The following ADGRE2 variants were observed in gnomAD, a reference collection of about 807,000 sequenced individuals.
The protein encoded by ADGRE2 is CD97 antigen.
A neutral mutation model predicts 100.8 loss-of-function variants in ADGRE2; 83 were observed. The observed-to-expected ratio is 0.82, with a 90% CI of 0.69 to 0.99. The LOEUF is 0.99. Among genes scored for constraint, ADGRE2 ranks in the 50% least tolerant of loss-of-function variants. The pLI, the probability that ADGRE2 is intolerant of heterozygous loss-of-function variation, is 0.00. For synonymous variants in ADGRE2, 355 were observed against 413.0 expected, an observed-to-expected ratio of 0.86 and a Z score of 1.70; for missense variants, 814 against 1,035.7, an observed-to-expected ratio of 0.79 and a Z score of 2.94.
intron 16 of ADGRE2, among the ~76,000 whole-genome samples, chr19:14,748,871 A>G (rs1213475106): frequency 2.0e-5 from 3 of 152,124 alleles, no homozygotes; most frequent in Admixed American, 6.6e-5. Flanking sequence ...ATGAAAATGA[A>G]TGCAAAAATC....
intron 20 of ADGRE2, among the ~76,000 whole-genome samples, chr19:14,739,327 A>G (rs2042856029): frequency 6.6e-6 from 1 of 152,216 alleles, no homozygotes; most frequent in African/African-American, 2.4e-5. Flanking sequence ...AGTAGAAGAT[A>G]AAATGACATT....
chr19:14,756,864 G>A (rs549072599), intron 11 of ADGRE2, among the ~76,000 whole-genome samples: 4 of 150,970 alleles, frequency 2.6e-5, no homozygotes, highest in Non-Finnish European at 5.9e-5. Context: ...AAAATGTTAG[G>A]AATACATTTT....
At chr19:14,759,052 C>A (rs2043605857) in intron 11 of ADGRE2, among the ~76,000 whole-genome samples, 1 of 152,084 alleles carries the variant, frequency 6.6e-6, no homozygotes, top group Non-Finnish European at 1.5e-5. Context: ...ACAGGTGAGC[C>A]ATTTACATAC....
intron 18 of ADGRE2, among the ~76,000 whole-genome samples, chr19:14,744,897 CT>C (rs149723489): frequency 6.8e-5 from 10 of 146,090 alleles, no homozygotes; most frequent in South Asian, 6.6e-4. Flanking sequence ...GTTCTTTGCA[CT>C]TTTTTTTTTG....
At chr19:14,760,184 A>T (rs976449890) in intron 11 of ADGRE2, among the ~76,000 whole-genome samples, 1 of 152,210 alleles carries the variant, frequency 6.6e-6, no homozygotes, top group African/African-American at 2.4e-5. Context: ...TGTATTTCAA[A>T]GTAGTTACAA....
chr19:14,759,503 ATTT>A lies in ADGRE2; in HGVS notation c.1085-3161_1085-3159del, dbSNP rs368205522. On this transcript the variant is annotated intron_variant, in intron 11 of 20. Transcript: ENST00000315576. The stretch of plus-strand genomic sequence containing the variant: ...ATAAGTTATACATATATATATATAT[ATTT>A]TTTTTTTTTAGACGGAGTCTCACTC... Among the ~76,000 whole-genome samples the A allele has an allele frequency of 2.2e-5, 3 of 133,378 alleles. 1 individual carries two copies. Among genetic ancestry groups the A allele is most frequent in the African/African-American group, 8.9e-5 (3 of 33,616 alleles). The allele number at this position is 133,378 out of a possible 152,430, so 87.5% of individuals were successfully genotyped here.
At chr19:14,762,303 C>T (rs1321260487) in intron 11 of ADGRE2, among the ~76,000 whole-genome samples, 1 of 151,498 alleles carries the variant, frequency 6.6e-6, no homozygotes, top group African/African-American at 2.4e-5. Flanking sequence ...AGTATTCAGC[C>T]ATGAAAAAGA....
rs1479320374 is a variant in ADGRE2 at position 14,746,280 on chromosome 19, T to C, written c.2135A>G (p.Asn712Ser). Residue 712 changes from asparagine (N) to serine (S), a missense_variant, in exon 18 of 21, where the codon AAC becomes AGC. Asn to Ser is a conservative substitution (Grantham distance 46). Around this residue, in one of 5 missense-constraint regions of ADGRE2, gnomAD observed 569 missense variants for 692.7 expected, o/e 0.82. Coordinates refer to ENST00000315576, the MANE Select transcript of ADGRE2 (RefSeq NM_013447.4). ...TTCACTATTGAGGGAGGAGAGTCTG[T>C]TTTTCAAAATCCAGAGAGTCACCAG... Reference protein sequence around the residue: ...LFLVTLWILKNRLSSLNSEVS... With the variant: ...LFLVTLWILKSRLSSLNSEVS... The C allele has an allele frequency of 1.2e-6, 2 of 1,611,680 alleles. No individual in the cohort carries two copies. The highest frequency in any genetic ancestry group is 2.2e-5 in the South Asian group (2 of 91,006).
rs890960145 is a variant in ADGRE2, at chr19:14,732,842, A to G, written c.*3394T>C. ...AAAACATAGCCATGATCATTCATTT[A>G]TGATTGTCTATAGCTGTTTTCATAC... On this transcript the variant is annotated 3_prime_UTR_variant, in exon 21 of 21. Transcript: ENST00000315576. 1 of 152,148 alleles carries G rather than the reference A, an allele frequency of 6.6e-6. No individual in the cohort carries two copies. Among genetic ancestry groups the G allele is most frequent in the Admixed American group, 6.5e-5 (1 of 15,278 alleles). 9.4% of individuals were successfully genotyped at this position (152,148 alleles called of 1,614,324 possible). A position where few individuals can be genotyped will look rare whatever the true frequency, so the allele number is the denominator to read the frequency against.
chr19:14,743,332 C>T, intron 20 of ADGRE2, 88 bp downstream of exon 20: 1 of 1,011,066 alleles, frequency 9.9e-7, no homozygotes, highest in Non-Finnish European at 1.6e-6. Flanking sequence ...GCATTGCCTG[C>T]TGTATTCCCA....
chr19:14,759,403 T>TTC (rs931883869), intron 11 of ADGRE2, among the ~76,000 whole-genome samples: 3 of 151,904 alleles, frequency 2.0e-5, no homozygotes, highest in Non-Finnish European at 4.4e-5. Context: ...CCTAAATAAT[T>TTC]TCTTTTTCAC....
Position 14,767,247 on chromosome 19 carries a change from T to C in ADGRE2, c.356-138A>G, listed in dbSNP as rs1356379930. 8 of 1,461,660 alleles carry C rather than the reference T, an allele frequency of 5.5e-6. 1 individual carries two copies. The highest frequency in any genetic ancestry group is 4.7e-5 in the East Asian group (2 of 42,356). 90.5% of individuals were successfully genotyped at this position (1,461,660 alleles called of 1,614,324 possible). A position where few individuals can be genotyped will look rare whatever the true frequency, so the allele number is the denominator to read the frequency against. On this transcript the variant is annotated intron_variant, in intron 5 of 20. Transcript: ENST00000315576. Reference sequence around the variant, plus strand: ...CCCTTTTCTTTTCTTTCTTTCTTTTTTTTTTTTTTGAGACGGAGTCTTGCT... The same window carrying C: ...CCCTTTTCTTTTCTTTCTTTCTTTTCTTTTTTTTTGAGACGGAGTCTTGCT...
chr19:14,768,049 C>G (rs1217335235), intron 5 of ADGRE2, among the ~76,000 whole-genome samples: 4 of 152,208 alleles, frequency 2.6e-5, no homozygotes, highest in African/African-American at 7.2e-5. Flanking sequence ...GTTCTGCAGG[C>G]TGTGTAAGAT....
downstream of ADGRE2, among the ~76,000 whole-genome samples, chr19:14,727,486 A>G (rs760739289): frequency 5.9e-5 from 9 of 152,294 alleles, no homozygotes; most frequent in Non-Finnish European, 1.3e-4. Flanking sequence ...AGCAAGAGAC[A>G]GAGTAGAGAC....
intron 16 of ADGRE2, among the ~76,000 whole-genome samples, chr19:14,749,338 A>G (rs57392825): frequency 0.39 from 54,488 of 138,712 alleles, 11,987 homozygotes; most frequent in African/African-American, 0.59. Flanking sequence ...TATAATTATA[A>G]TGATATGATA....
chr19:14,763,250 G>A (rs1431211688), intron 11 of ADGRE2, among the ~76,000 whole-genome samples: 2 of 152,038 alleles, frequency 1.3e-5, no homozygotes, highest in African/African-American at 4.8e-5. Context: ...GGCTGAGACA[G>A]GAGAATGCTG....
rs545045961 is a variant in ADGRE2, at chr19:14,744,698, G to A, written c.2184-914C>T. On this transcript the variant is annotated intron_variant, in intron 18 of 20. Transcript: ENST00000315576. ...TTGAACTCATGACCTCAAGTGATCC[G>A]CCTACCTCGGCCTCCCAAAGTGTTA... is the stretch of plus-strand genomic sequence containing the variant. 1.4e-4 allele frequency among the ~76,000 whole-genome samples: 22 copies of A among 151,826 alleles called. No homozygotes were observed. The South Asian group carries it at 1.9e-3, about 13-fold the overall frequency.
At chr19:14,773,088 A>G (rs1354335841) in intron 4 of ADGRE2, among the ~76,000 whole-genome samples, 1 of 146,910 alleles carries the variant, frequency 6.8e-6, no homozygotes, top group African/African-American at 2.5e-5. Flanking sequence ...CTCAAAAAAA[A>G]AAAAAAAAAA....
At chr19:14,728,691 T>C (rs546411554), downstream of ADGRE2, among the ~76,000 whole-genome samples, 10 of 152,284 alleles carry the variant, frequency 6.6e-5, no homozygotes, top group African/African-American at 2.4e-4. Context: ...GTGAATCCCT[T>C]TACACCTTAG....
Sources: gnomAD v4.1 joint callset for allele counts (sites outside exome capture counted in the v4.1 genomes callset) on GRCh38, gnomAD v4.1.1 for gene constraint, gnomAD v4.1.1 regional missense constraint, MANE v1.5 for transcripts, NCBI Gene and HGNC (gene_info 2026-07-23, HGNC 2026-07-21) for gene names.